The following CACNA2D1 variants were observed in gnomAD, a reference collection of about 807,000 sequenced individuals.
CACNA2D1 encodes the protein voltage-dependent calcium channel subunit alpha-2/delta-1.
Under a neutral mutation model 171.5 loss-of-function variants are expected in CACNA2D1, and 53 were observed. The ratio of observed to expected loss-of-function variants is 0.31; its 90% CI spans 0.25 to 0.39. The LOEUF is 0.39. Ranked by LOEUF, CACNA2D1 falls within the 10% of genes least tolerant of loss-of-function variation. CACNA2D1 has a pLI of 1.00. For synonymous variants in CACNA2D1, 442 were observed against 443.1 expected (o/e 1.00, Z 0.03); for missense variants, 903 against 1,299.8 (o/e 0.69, Z 4.69).
intron 3 of CACNA2D1, among the ~76,000 whole-genome samples, chr7:82,300,555 T>A (rs1350518358): frequency 6.6e-6 from 1 of 152,162 alleles, no homozygotes; most frequent in Non-Finnish European, 1.5e-5. Context: ...CTACCGTAAG[T>A]ATGCAGGAAA....
At chr7:82,051,296 A>G (rs1805172242) in intron 10 of CACNA2D1, among the ~76,000 whole-genome samples, 2 of 152,200 alleles carry the variant, frequency 1.3e-5, no homozygotes, top group Admixed American at 1.3e-4. Context: ...CTTCCTTTCC[A>G]GCCTCCTATT....
intron 1 of CACNA2D1, among the ~76,000 whole-genome samples, chr7:82,385,053 C>T (rs970760494): frequency 6.6e-6 from 1 of 152,208 alleles, no homozygotes; most frequent in African/African-American, 2.4e-5. Flanking sequence ...CCTCCCCTTC[C>T]TTGTCCCAAC....
At chr7:81,998,325 A>T (rs948604822) in intron 18 of CACNA2D1, among the ~76,000 whole-genome samples, 9 of 152,012 alleles carry the variant, frequency 5.9e-5, no homozygotes, top group African/African-American at 2.2e-4. Flanking sequence ...ACTATGCTGG[A>T]TTAGTGCAAA....
intron 10 of CACNA2D1, among the ~76,000 whole-genome samples, chr7:82,053,949 T>C (rs1407604508): frequency 6.6e-6 from 1 of 152,200 alleles, no homozygotes; most frequent in Non-Finnish European, 1.5e-5. Context: ...TGTCAGTGCA[T>C]CAGTAAAGTC....
chr7:82,150,734 T>C (rs547453849), intron 4 of CACNA2D1, among the ~76,000 whole-genome samples: 4 of 152,252 alleles, frequency 2.6e-5, no homozygotes, highest in African/African-American at 7.2e-5. Context: ...ATGACATTCA[T>C]TTGTATTTAA....
chr7:82,224,888 T>C (rs1312680536), intron 3 of CACNA2D1, among the ~76,000 whole-genome samples: 1 of 152,058 alleles, frequency 6.6e-6, no homozygotes, highest in Non-Finnish European at 1.5e-5. Flanking sequence ...CTTAAATCAT[T>C]CATGAGGCAT....
chr7:82,415,156 C>A (rs1463318171), intron 1 of CACNA2D1, among the ~76,000 whole-genome samples: 1 of 152,120 alleles, frequency 6.6e-6, no homozygotes, highest in East Asian at 1.9e-4. Context: ...CAGAAGAGTA[C>A]AGGAAGACAC....
rs764260460 is a variant in CACNA2D1, at chr7:82,013,522, A to G, written c.1223-12T>C. ...TTCATAATAATAACCTGAAATATAC[A>G]TATATGTTTTTATACATAAATGTTA... On this transcript the variant is annotated splice_polypyrimidine_tract_variant and intron_variant, in intron 13 of 38. Transcript: ENST00000356860. 2 of 939,682 alleles carry G rather than the reference A, an allele frequency of 2.1e-6. No individual in the cohort carries two copies. Among genetic ancestry groups the G allele is most frequent in the Non-Finnish European group, 3.0e-6 (2 of 669,560 alleles). 58.2% of individuals were successfully genotyped at this position (939,682 alleles called of 1,614,324 possible). A position where few individuals can be genotyped will look rare whatever the true frequency, so the allele number is the denominator to read the frequency against.
chr7:82,301,799 C>T (rs1239199118), intron 3 of CACNA2D1, among the ~76,000 whole-genome samples: 3 of 147,810 alleles, frequency 2.0e-5, no homozygotes, highest in African/African-American at 7.8e-5. Flanking sequence ...AGAGGCTCTC[C>T]CAGGCTGGAG....
chr7:81,963,330 G>C (rs1272537092), intron 34 of CACNA2D1, among the ~76,000 whole-genome samples: 1 of 151,754 alleles, frequency 6.6e-6, no homozygotes. Context: ...ACATGGAATA[G>C]GGCTAACAAT....
chr7:81,951,981 T>TTTG (rs951359913), intron 38 of CACNA2D1, among the ~76,000 whole-genome samples: 3 of 149,308 alleles, frequency 2.0e-5, no homozygotes, highest in African/African-American at 7.4e-5. Flanking sequence ...TTTTTTTTTT[T>TTTG]TTTTTTTTTT....
At chr7:82,197,668 C>A (rs996461200) in intron 3 of CACNA2D1, among the ~76,000 whole-genome samples, 1 of 151,920 alleles carries the variant, frequency 6.6e-6, no homozygotes, top group Non-Finnish European at 1.5e-5. Context: ...GCCTCAGGGA[C>A]GACACAGACA....
intron 1 of CACNA2D1, among the ~76,000 whole-genome samples, chr7:82,388,314 A>G (rs1824661967): frequency 6.6e-6 from 1 of 152,236 alleles, no homozygotes; most frequent in Non-Finnish European, 1.5e-5. Context: ...TTATTTTACT[A>G]GCAGCTAAAT....
At chr7:82,191,008 A>G (rs1203474809) in intron 3 of CACNA2D1, among the ~76,000 whole-genome samples, 2 of 151,700 alleles carry the variant, frequency 1.3e-5, no homozygotes, top group East Asian at 3.9e-4. Flanking sequence ...AATGGGGGCA[A>G]TAATAAACAC....
At chr7:81,980,264 C>G (rs903174351) in intron 24 of CACNA2D1, among the ~76,000 whole-genome samples, 6 of 133,048 alleles carry the variant, frequency 4.5e-5, no homozygotes, top group Non-Finnish European at 9.4e-5. Context: ...GGTAGGGAAA[C>G]TTTCCCTGAC....
intron 3 of CACNA2D1, among the ~76,000 whole-genome samples, chr7:82,245,656 T>A (rs1187738043): frequency 1.5e-3 from 71 of 48,788 alleles, no homozygotes; most frequent in African/African-American, 7.4e-3. Flanking sequence ...TCTCTCTCTC[T>A]CTCTCTCACA....
intron 18 of CACNA2D1, among the ~76,000 whole-genome samples, chr7:82,004,119 C>T (rs1798890793): frequency 6.6e-6 from 1 of 151,942 alleles, no homozygotes; most frequent in Admixed American, 6.6e-5. Context: ...ATATACAAAG[C>T]CCAAACAATA....
intron 3 of CACNA2D1, among the ~76,000 whole-genome samples, chr7:82,172,616 CTTTTTTTT>C (rs55737158): frequency 2.9e-4 from 19 of 64,512 alleles, no homozygotes; most frequent in African/African-American, 1.3e-3. Flanking sequence ...AGAAACCCGG[CTTTTTTTT>C]TTTTTTTTTT....
At chr7:82,138,450 T>G (rs754799272) in intron 4 of CACNA2D1, among the ~76,000 whole-genome samples, 55 of 15,614 alleles carry the variant, frequency 3.5e-3, no homozygotes, top group African/African-American at 0.023. Flanking sequence ...GTTTTTTTTG[T>G]TTTTTTTTTT....
Sources: gnomAD v4.1 joint callset for allele counts (sites outside exome capture counted in the v4.1 genomes callset) on GRCh38, gnomAD v4.1.1 for gene constraint, MANE v1.5 for transcripts, NCBI Gene and HGNC (gene_info 2026-07-23, HGNC 2026-07-21) for gene names.